The following NIM1K variants were observed in gnomAD, a reference collection of about 807,000 sequenced individuals.
NIM1K encodes serine/threonine-protein kinase NIM1.
Under a neutral mutation model 37.1 loss-of-function variants are expected in NIM1K, and 35 were observed. The observed-to-expected ratio is 0.94, with a 90% CI of 0.72 to 1.25. The LOEUF (loss-of-function observed/expected upper bound fraction) is 1.25, where lower values mean the gene tolerates loss of function less well. Ranked by LOEUF, NIM1K falls within the 50% of genes most tolerant of loss-of-function variation. The probability of loss-of-function intolerance (pLI) is 0.00; values close to 1 mark genes in which losing one functional copy is unlikely to be tolerated. For synonymous variants in NIM1K, 234 were observed against 206.6 expected (o/e 1.13, Z -1.14); for missense variants, 564 against 548.0 (o/e 1.03, Z -0.29).
chr5:43,243,988 C>T (rs575251648), intron 1 of NIM1K, among the ~76,000 whole-genome samples: 19 of 152,320 alleles, frequency 1.2e-4, no homozygotes, highest in Non-Finnish European at 1.8e-4. Context: ...AGCCTGTGTT[C>T]ATCATCCTTC....
chr5:43,268,319 A>G (rs971531851), intron 2 of NIM1K, among the ~76,000 whole-genome samples: 2 of 152,224 alleles, frequency 1.3e-5, no homozygotes, highest in Admixed American at 6.5e-5. Flanking sequence ...TCAAACTAGG[A>G]TGGAGATATT....
chr5:43,226,730 G>GAACC (rs1033120838), intron 1 of NIM1K, among the ~76,000 whole-genome samples: 14 of 152,200 alleles, frequency 9.2e-5, no homozygotes, highest in South Asian at 2.1e-4. Context: ...GTGGGTGGAT[G>GAACC]AACCCCTCAG....
intron 2 of NIM1K, among the ~76,000 whole-genome samples, chr5:43,254,577 T>A (rs1752913406): frequency 6.6e-6 from 1 of 152,188 alleles, no homozygotes; most frequent in Admixed American, 6.5e-5. Context: ...TAACTTCTCA[T>A]GAAAATCCAG....
chr5:43,198,141 T>C (rs1579950561), intron 1 of NIM1K, among the ~76,000 whole-genome samples: 1 of 43,856 alleles, frequency 2.3e-5, no homozygotes, highest in Admixed American at 2.3e-4. Context: ...ATTTCTTTCT[T>C]TCTTTCTTTC....
At chr5:43,263,622 C>A (rs1753072406) in intron 2 of NIM1K, among the ~76,000 whole-genome samples, 1 of 151,092 alleles carries the variant, frequency 6.6e-6, no homozygotes, top group South Asian at 2.1e-4. Flanking sequence ...CCATCTCCTT[C>A]AGTTCTGCTC....
intron 3 of NIM1K, among the ~76,000 whole-genome samples, chr5:43,277,830 G>A (rs1456702938): frequency 6.6e-6 from 1 of 151,642 alleles, no homozygotes; most frequent in African/African-American, 2.4e-5. Context: ...GAGAGAGAGA[G>A]AGAGAGAGAG....
intron 1 of NIM1K, among the ~76,000 whole-genome samples, chr5:43,210,618 ATG>A (rs1752189801): frequency 6.6e-6 from 1 of 152,140 alleles, no homozygotes; most frequent in Admixed American, 6.5e-5. Flanking sequence ...AAAACATTAT[ATG>A]CAGGGGGAAT....
intron 1 of NIM1K, among the ~76,000 whole-genome samples, chr5:43,209,668 G>A (rs1752175960): frequency 6.6e-6 from 1 of 151,804 alleles, no homozygotes; most frequent in Non-Finnish European, 1.5e-5. Flanking sequence ...GCCCAGGCTG[G>A]AGTGCAGTGG....
intron 2 of NIM1K, among the ~76,000 whole-genome samples, chr5:43,257,572 C>T (rs556545677): frequency 2.0e-5 from 3 of 151,862 alleles, no homozygotes; most frequent in South Asian, 2.1e-4. Flanking sequence ...AGGGTAGTCT[C>T]GATCTCCTGA....
chr5:43,207,312 T>C, intron 1 of NIM1K: 1 of 765,200 alleles, frequency 1.3e-6, no homozygotes. Flanking sequence ...TGTGAAATAG[T>C]CAAACTAAAA....
At chr5:43,253,042 A>G (rs1752889089) in intron 2 of NIM1K, among the ~76,000 whole-genome samples, 1 of 146,582 alleles carries the variant, frequency 6.8e-6, no homozygotes, top group Non-Finnish European at 1.5e-5. Context: ...CAGTGATGCG[A>G]TCAAAGCTCA....
intron 1 of NIM1K, chr5:43,193,521 A>G (rs1209395509): frequency 1.5e-5 from 2 of 137,588 alleles, no homozygotes; most frequent in Non-Finnish European, 3.0e-5. Context: ...CTAAGCTCTT[A>G]CCCGTGCAGT....
intron 1 of NIM1K, among the ~76,000 whole-genome samples, chr5:43,237,072 A>G (rs1269568998): frequency 6.6e-6 from 1 of 152,212 alleles, no homozygotes; most frequent in African/African-American, 2.4e-5. Flanking sequence ...CCTGAGAAGG[A>G]TTATAACTGA....
intron 2 of NIM1K, among the ~76,000 whole-genome samples, chr5:43,272,052 GT>G (rs1284747560): frequency 6.6e-6 from 1 of 152,086 alleles, no homozygotes; most frequent in African/African-American, 2.4e-5. Context: ...ACCACAATTT[GT>G]TTAACCATTC....
chr5:43,217,998 C>T (rs1346254104), intron 1 of NIM1K, among the ~76,000 whole-genome samples: 1 of 151,818 alleles, frequency 6.6e-6, no homozygotes, highest in Non-Finnish European at 1.5e-5. Flanking sequence ...AGGCGTGAGC[C>T]TCCGTGCCCA....
At chr5:43,194,863 G>A (rs1298020922) in intron 1 of NIM1K, 1 of 152,164 alleles carries the variant, frequency 6.6e-6, no homozygotes, top group Non-Finnish European at 1.5e-5. Context: ...CTCCTGAGGA[G>A]CTGGGACTAC....
At chr5:43,197,601 C>G (rs1751937750) in intron 1 of NIM1K, among the ~76,000 whole-genome samples, 1 of 152,216 alleles carries the variant, frequency 6.6e-6, no homozygotes, top group Non-Finnish European at 1.5e-5. Flanking sequence ...CTACAGAACA[C>G]AGAGGTACTG....
In NIM1K at chr5:43,220,340, C is replaced by T. The variant is rs573025476; in HGVS notation, c.-694-24742C>T. ...ATGGAGTCTCACCCAGGCTATAGTG[C>T]GGTGGCACCATCTCAGCACACTGCA... is the stretch of plus-strand genomic sequence containing the variant. On this transcript the variant is annotated intron_variant, in intron 1 of 3. Coordinates refer to ENST00000326035, the MANE Select transcript of NIM1K (RefSeq NM_153361.4). Among the ~76,000 whole-genome samples the T allele has an allele frequency of 4.9e-5, 7 of 142,136 alleles. No individual in the cohort carries two copies. The South Asian group carries it at 6.5e-4, about 13-fold the overall frequency. The allele number at this position is 142,136 out of a possible 152,430, so 93.2% of individuals were successfully genotyped here. A position where few individuals can be genotyped will look rare whatever the true frequency, so the allele number is the denominator to read the frequency against.
At chr5:43,198,076 C>A (rs1219609492) in intron 1 of NIM1K, among the ~76,000 whole-genome samples, 1 of 152,034 alleles carries the variant, frequency 6.6e-6, no homozygotes, top group African/African-American at 2.4e-5. Context: ...TATTTCTTTT[C>A]TTTTCTTTTT....
Sources: allele counts gnomAD v4.1 joint callset (sites outside exome capture counted in the v4.1 genomes callset), GRCh38; gene constraint gnomAD v4.1.1; transcripts MANE v1.5; gene names NCBI Gene and HGNC (gene_info 2026-07-23, HGNC 2026-07-21).